The following SYT9 variants were observed in gnomAD, a reference collection of about 807,000 sequenced individuals.
SYT9 encodes the protein synaptotagmin-9.
In SYT9, 22 loss-of-function variants were observed where a neutral mutation model predicts 48.4. The observed-to-expected ratio is 0.45, with a 90% CI of 0.32 to 0.65. The LOEUF is 0.65. Ranked by LOEUF, SYT9 falls within the 30% of genes least tolerant of loss-of-function variation. The pLI, the probability that SYT9 is intolerant of heterozygous loss-of-function variation, is 0.03. For missense variants in SYT9, 577 were observed against 622.0 expected (o/e 0.93, Z 0.77); for synonymous variants, 265 against 245.0 (o/e 1.08, Z -0.76).
rs1283002038 is a variant in SYT9, at chr11:7,351,077, C to G, written c.1044+37136C>G. 2.6e-5 allele frequency among the ~76,000 whole-genome samples: 4 copies of G among 152,092 alleles called. No individual in the cohort carries two copies. The East Asian group carries it at 7.7e-4, about 29-fold the overall frequency. On this transcript the variant is annotated intron_variant, in intron 3 of 6. Transcript: ENST00000318881. ...GCGGCCAGCTAATAAAGTCCTGGTC[C>G]TACATAAATAACTAGGGTTTTAAAA... is the stretch of plus-strand genomic sequence containing the variant.
intron 6 of SYT9, among the ~76,000 whole-genome samples, chr11:7,445,025 G>A (rs973417072): frequency 2.0e-5 from 3 of 152,198 alleles, no homozygotes; most frequent in Admixed American, 2.0e-4. Context: ...GCTGGAGCTG[G>A]CTTCACTTTC....
chr11:7,431,295 T>C (rs1015594147), intron 6 of SYT9, among the ~76,000 whole-genome samples: 2 of 152,146 alleles, frequency 1.3e-5, no homozygotes, highest in Non-Finnish European at 2.9e-5. Flanking sequence ...TGATCTAGAG[T>C]ATCTGGCAGA....
chr11:7,425,183 G>A (rs768785418), intron 6 of SYT9, among the ~76,000 whole-genome samples: 8 of 152,132 alleles, frequency 5.3e-5, no homozygotes, highest in Non-Finnish European at 7.3e-5. Flanking sequence ...CCATCCCGGT[G>A]CAATTTGCTG....
At chr11:7,458,888 ATGATCCAAAGTTATCAC>A (rs371274082) in intron 6 of SYT9, among the ~76,000 whole-genome samples, 5 of 152,378 alleles carry the variant, frequency 3.3e-5, no homozygotes, top group African/African-American at 1.2e-4. Context: ...GAGATGTGAC[ATGATCCAAAGTTATCAC>A]TGATCTCTCT....
chr11:7,399,620 G>T (rs570979547), intron 3 of SYT9, among the ~76,000 whole-genome samples: 11 of 152,354 alleles, frequency 7.2e-5, no homozygotes, highest in African/African-American at 2.2e-4. Context: ...GACACTGGAA[G>T]TCCATAAAGT....
chr11:7,370,362 C>T (rs2134029260), intron 3 of SYT9, among the ~76,000 whole-genome samples: 1 of 152,012 alleles, frequency 6.6e-6, no homozygotes, highest in South Asian at 2.1e-4. Context: ...TCCTTTTGCC[C>T]CTATTTTGAA....
intron 1 of SYT9, among the ~76,000 whole-genome samples, chr11:7,246,645 T>C (rs1162350842): frequency 3.3e-5 from 5 of 152,214 alleles, no homozygotes; most frequent in Non-Finnish European, 5.9e-5. Context: ...TTTTGCCTAT[T>C]TCAGATGTCT....
At chr11:7,314,115 T>A in intron 3 of SYT9, 174 bp downstream of exon 3, 1 of 766,970 alleles carries the variant, frequency 1.3e-6, no homozygotes, top group South Asian at 1.5e-5. Flanking sequence ...CAATATTGAT[T>A]TTGAAGTTTC....
At chr11:7,249,958 A>G (rs1265885498), upstream of SYT9, among the ~76,000 whole-genome samples, 3 of 152,170 alleles carry the variant, frequency 2.0e-5, no homozygotes, top group Non-Finnish European at 4.4e-5. Context: ...CGTGATCCCT[A>G]TGACTCCCCT....
chr11:7,346,298 GT>G lies in SYT9; in HGVS notation c.1044+32358del, dbSNP rs200885958. On this transcript the variant is annotated intron_variant, in intron 3 of 6. Coordinates refer to ENST00000318881, the MANE Select transcript of SYT9 (RefSeq NM_175733.4). ...TTTAAATACTGACAGCTAAGAGCCA[GT>G]AGTGGGGAAGCCTGGAGATGCAAGA... Among the ~76,000 whole-genome samples, 1,158 of 152,346 alleles carry G rather than the reference GT, an allele frequency of 7.6e-3. 16 individuals carry two copies. Among genetic ancestry groups the G allele is most frequent in the African/African-American group, 0.023 (976 of 41,576 alleles).
intron 3 of SYT9, among the ~76,000 whole-genome samples, chr11:7,409,131 A>G (rs1423247341): frequency 6.6e-6 from 1 of 152,130 alleles, no homozygotes; most frequent in Non-Finnish European, 1.5e-5. Flanking sequence ...ATTTTATCAA[A>G]TGCTTTTTCT....
intron 1 of SYT9, 122 bp from the exon 2 acceptor site, chr11:7,302,917 A>G: frequency 2.4e-6 from 2 of 849,372 alleles, no homozygotes; most frequent in Non-Finnish European, 3.8e-6. Flanking sequence ...GCGCCCCAGC[A>G]TGGCCTTCCG....
At chr11:7,432,268 C>T (rs1590024629) in intron 6 of SYT9, among the ~76,000 whole-genome samples, 3 of 152,056 alleles carry the variant, frequency 2.0e-5, no homozygotes, top group South Asian at 4.1e-4. Context: ...TAACAACAAT[C>T]GGGCATGGTG....
At chr11:7,372,895 A>G (rs1337486147) in intron 3 of SYT9, among the ~76,000 whole-genome samples, 1 of 152,128 alleles carries the variant, frequency 6.6e-6, no homozygotes, top group Non-Finnish European at 1.5e-5. Context: ...ACTGATCCTG[A>G]ATATAATGAT....
At chr11:7,417,854 G>T in intron 4 of SYT9, 103 bp from the exon 5 acceptor site, 1 of 1,191,116 alleles carries the variant, frequency 8.4e-7, no homozygotes, top group Non-Finnish European at 1.2e-6. Flanking sequence ...GGCAGGTAAA[G>T]GAGTTCAGCA....
intron 3 of SYT9, among the ~76,000 whole-genome samples, chr11:7,347,236 A>ATTT (rs33978026): frequency 0.052 from 7,842 of 149,460 alleles, 562 homozygotes; most frequent in African/African-American, 0.16. Context: ...TCATCAAAAT[A>ATTT]TTTTTTTTTT....
chr11:7,323,798 G>A (rs774260956), intron 3 of SYT9, among the ~76,000 whole-genome samples: 4 of 151,934 alleles, frequency 2.6e-5, no homozygotes, highest in African/African-American at 4.8e-5. Context: ...ACATGAATGT[G>A]TGTGTGTATG....
intron 6 of SYT9, among the ~76,000 whole-genome samples, chr11:7,431,281 G>C (rs950132609): frequency 2.0e-4 from 31 of 152,218 alleles, no homozygotes; most frequent in Non-Finnish European, 5.9e-5. Context: ...GCACATGAGA[G>C]TGATGATCTA....
intron 3 of SYT9, among the ~76,000 whole-genome samples, chr11:7,391,200 G>A (rs1846601808): frequency 6.6e-6 from 1 of 152,148 alleles, no homozygotes; most frequent in Middle Eastern, 3.4e-3. Context: ...TCTTTATCCT[G>A]TCCACCACTG....
Sources: allele counts gnomAD v4.1 joint callset (sites outside exome capture counted in the v4.1 genomes callset), GRCh38; gene constraint gnomAD v4.1.1; transcripts MANE v1.5; gene names NCBI Gene and HGNC (gene_info 2026-07-23, HGNC 2026-07-21).